Variants in POLI observed in about 807,000 individuals in gnomAD.
The protein encoded by POLI is RAD30 homolog B.
POLI carries 58 observed loss-of-function variants against 51.6 expected under a neutral mutation model. That is an observed-to-expected ratio of 1.12 (90% CI 0.91 to 1.40). The LOEUF is 1.40. Ranked by LOEUF, POLI falls within the 40% of genes most tolerant of loss-of-function variation. The probability of loss-of-function intolerance (pLI) is 0.00; values close to 1 mark genes in which losing one functional copy is unlikely to be tolerated. For synonymous variants in POLI, 322 were observed against 299.7 expected, an observed-to-expected ratio of 1.07 and a Z score of -0.77; for missense variants, 921 against 871.3, an observed-to-expected ratio of 1.06 and a Z score of -0.72.
chr18:54,289,656 G>T (rs623642), intron 8 of POLI, among the ~76,000 whole-genome samples: 1 of 137,252 alleles, frequency 7.3e-6, no homozygotes, highest in Non-Finnish European at 1.6e-5. Flanking sequence ...CAGAACAGAG[G>T]CCTCAGAAAT....
chr18:54,282,332 G>C (rs2087539113), intron 5 of POLI, among the ~76,000 whole-genome samples: 2 of 152,068 alleles, frequency 1.3e-5, no homozygotes, highest in Admixed American at 1.3e-4. Context: ...CTTCAAAGAG[G>C]TGCATATAAT....
In POLI at chr18:54,283,903, A is replaced by G; in HGVS notation, c.976-19A>G. ...GTTATTTGAGTTTGTGCTAATCCTTATTTATGCTTCTTTGATAGTCCTTTA... is the reference window on the plus strand; with the variant it reads ...GTTATTTGAGTTTGTGCTAATCCTTGTTTATGCTTCTTTGATAGTCCTTTA... On this transcript the variant is annotated intron_variant, in intron 6 of 9. Transcript: ENST00000579534. 1 of 942,574 alleles carries G rather than the reference A, an allele frequency of 1.1e-6. No homozygotes were observed. The highest frequency in any genetic ancestry group is 1.7e-6 in the Non-Finnish European group (1 of 602,808). 58.4% of individuals were successfully genotyped at this position (942,574 alleles called of 1,614,324 possible).
intron 3 of POLI, among the ~76,000 whole-genome samples, chr18:54,305,429 T>C (rs1006334390): frequency 2.6e-5 from 4 of 152,214 alleles, no homozygotes; most frequent in African/African-American, 9.7e-5. Context: ...GTGTCCTGTT[T>C]TATTTCATTG....
rs2088259173 is a variant in POLI, at chr18:54,295,192, A to G, written c.*725A>G. 1 of 985,464 alleles carries G rather than the reference A, an allele frequency of 1.0e-6. No homozygotes were observed. Among genetic ancestry groups the G allele is most frequent in the Non-Finnish European group, 1.2e-6 (1 of 829,954 alleles). 61.0% of individuals were successfully genotyped at this position (985,464 alleles called of 1,614,324 possible). A position where few individuals can be genotyped will look rare whatever the true frequency, so the allele number is the denominator to read the frequency against. ...AGATGGACACCAGAAAGGCAAGGTG[A>G]TGGGCCTATAAGCATACTGGATAAT... is the stretch of plus-strand genomic sequence containing the variant. On this transcript the variant is annotated 3_prime_UTR_variant, in exon 10 of 10. Coordinates refer to ENST00000579534, the MANE Select transcript of POLI (RefSeq NM_007195.3).
In POLI at chr18:54,280,661, T is replaced by G; in HGVS notation, c.560-6T>G. ...TGACTTTGAATGACATTTGTTGTTT[T>G]TAAAGCTATAAACCTGCTTGACGTC... On this transcript the variant is annotated splice_region_variant and splice_polypyrimidine_tract_variant and intron_variant, in intron 4 of 9. Coordinates refer to ENST00000579534, the MANE Select transcript of POLI (RefSeq NM_007195.3). The G allele has an allele frequency of 6.3e-7, 1 of 1,579,252 alleles. No homozygotes were observed.
intron 4 of POLI, among the ~76,000 whole-genome samples, chr18:54,279,244 T>TTC (rs1555672356): frequency 7.6e-5 from 11 of 144,166 alleles, no homozygotes; most frequent in African/African-American, 2.6e-4. Flanking sequence ...GTCTTTTCTT[T>TTC]TTTTTTTTTT....
At chr18:54,314,796 G>C (rs2088710848) in intron 3 of POLI, among the ~76,000 whole-genome samples, 1 of 149,600 alleles carries the variant, frequency 6.7e-6, no homozygotes. Flanking sequence ...TATTTCTGTG[G>C]GATCAGTTGT....
At chr18:54,270,332 A>G (rs1206063248) in intron 1 of POLI, 1 of 152,170 alleles carries the variant, frequency 6.6e-6, no homozygotes, top group Non-Finnish European at 1.5e-5. Context: ...CACCTGGCTG[A>G]TTTTCAGATT....
chr18:54,288,348 G>C lies in POLI; in HGVS notation c.1198+937G>C, dbSNP rs143197112. Among the ~76,000 whole-genome samples the C allele has an allele frequency of 9.5e-3, 1,443 of 151,944 alleles. 14 individuals are homozygous for C. Among genetic ancestry groups the C allele is most frequent in the African/African-American group, 0.033 (1,369 of 41,476 alleles). On this transcript the variant is annotated intron_variant, in intron 8 of 9. Transcript: ENST00000579534. ...TCTGTTTTCTGTTAGAAGTTTTATAGTTTTTAAGCTTTATGTTTAGGTCCA... is the reference window on the plus strand; with the variant it reads ...TCTGTTTTCTGTTAGAAGTTTTATACTTTTTAAGCTTTATGTTTAGGTCCA...
At chr18:54,293,589 C>A in intron 9 of POLI, 60 bp from the exon 10 acceptor site, 1 of 1,147,926 alleles carries the variant, frequency 8.7e-7, no homozygotes, top group Non-Finnish European at 1.2e-6. Context: ...CACACAGCAG[C>A]AGCAGCGATA....
chr18:54,308,999 T>C (rs2144642484), intron 3 of POLI, among the ~76,000 whole-genome samples: 1 of 152,240 alleles, frequency 6.6e-6, no homozygotes, highest in African/African-American at 2.4e-5. Flanking sequence ...TTTTTCAAGG[T>C]TTTTAGCTTC....
Position 54,277,813 on chromosome 18 carries a change from CT to C in POLI, c.520del (p.Ser174LeufsTer3), listed in dbSNP as rs370594980. 1.9e-6 allele frequency: 3 copies of C among 1,612,994 alleles called. No homozygotes were observed. Among genetic ancestry groups the C allele is most frequent in the Non-Finnish European group, 2.5e-6 (3 of 1,179,290 alleles). On this transcript the variant is annotated frameshift_variant, in exon 4 of 10. Coordinates refer to ENST00000579534, the MANE Select transcript of POLI (RefSeq NM_007195.3). LOFTEE classifies it high-confidence loss of function. ...ACTACAGCAGCTGCAAAGTGATGAA[CT>C]TTCTGCGGTGACTGTGTCGGGTCAT... ...KRLQQLQSDE[L>X]SAVTVSGHVY...
chr18:54,272,300 C>T (rs899137273), intron 2 of POLI: 13 of 152,038 alleles, frequency 8.6e-5, no homozygotes, highest in Admixed American at 7.9e-4. Flanking sequence ...ATCAGGGGAC[C>T]TAAGTTTTTT....
At position 54,294,031 on chromosome 18, in the gene POLI, C is replaced by G; in HGVS notation, c.1787C>G (p.Ser596Cys). 3 of 1,613,552 alleles carry G rather than the reference C, an allele frequency of 1.9e-6. No individual in the cohort carries two copies. The highest frequency in any genetic ancestry group is 2.5e-6 in the Non-Finnish European group (3 of 1,179,596). ...DHLSSSKQVS[S>C]VSPCEPGTSG... is the part of the protein sequence containing the mutation. ...TTATCCAGTAGCAAACAGGTATCCTCTGTATCTCCTTGTGAACCGGGAACA... is the reference window on the plus strand; with the variant it reads ...TTATCCAGTAGCAAACAGGTATCCTGTGTATCTCCTTGTGAACCGGGAACA... The change falls in exon 10 of 10, where the codon TCT (serine) becomes TGT (cysteine). Residue 596 changes from serine to cysteine, a missense_variant. Transcript: ENST00000579534.
chr18:54,320,891 A>T (rs113582496), intron 4 of POLI, among the ~76,000 whole-genome samples: 1 of 152,036 alleles, frequency 6.6e-6, no homozygotes, highest in East Asian at 1.9e-4. Flanking sequence ...TAATAATACC[A>T]TATTCCCTTT....
intron 2 of POLI, among the ~76,000 whole-genome samples, chr18:54,273,321 G>A (rs1341333119): frequency 8.6e-5 from 13 of 150,432 alleles, no homozygotes; most frequent in Middle Eastern, 7.1e-3. Context: ...AGCAAGTTAC[G>A]GAGAAGAGAA....
chr18:54,298,145 G>A lies in POLI; in HGVS notation c.*3678G>A. On this transcript the variant is annotated 3_prime_UTR_variant, in exon 10 of 10. Transcript: ENST00000579534. ...ACTTCTATTTTAAAATCTGTATATA[G>A]AAAGGTACATAAACATAAATGAACA... is the stretch of plus-strand genomic sequence containing the variant. 1.4e-6 allele frequency: 1 copy of A among 706,488 alleles called. No individual in the cohort carries two copies. The highest frequency in any genetic ancestry group is 1.7e-6 in the Non-Finnish European group (1 of 575,322). The allele number at this position is 706,488 out of a possible 1,614,324, so 43.8% of individuals were successfully genotyped here. A position where few individuals can be genotyped will look rare whatever the true frequency, so the allele number is the denominator to read the frequency against.
intron 4 of POLI, 123 bp downstream of exon 4, chr18:54,277,978 G>A (rs2087326507): frequency 1.4e-6 from 1 of 706,978 alleles, no homozygotes; most frequent in African/African-American, 1.8e-5. Context: ...GTTATATTTA[G>A]TCAGTAATCT....
intron 9 of POLI, among the ~76,000 whole-genome samples, chr18:54,292,323 A>G (rs1019235361): frequency 2.6e-5 from 4 of 152,170 alleles, no homozygotes; most frequent in Non-Finnish European, 4.4e-5. Context: ...TAAAAATATG[A>G]TGGATTAGCT....
Sources: gnomAD v4.1 joint callset for allele counts (sites outside exome capture counted in the v4.1 genomes callset) on GRCh38, gnomAD v4.1.1 for gene constraint, MANE v1.5 for transcripts, NCBI Gene and HGNC (gene_info 2026-07-23, HGNC 2026-07-21) for gene names.